The following RNF121 variants were observed in gnomAD, a reference collection of about 807,000 sequenced individuals.
The protein encoded by RNF121 is ring finger protein 121, also known as E3 ubiquitin ligase RNF121.
Under a neutral mutation model 46.5 loss-of-function variants are expected in RNF121, and 21 were observed. The ratio of observed to expected loss-of-function variants is 0.45; its 90% CI spans 0.32 to 0.65. The LOEUF (loss-of-function observed/expected upper bound fraction) is 0.65, where lower values mean the gene tolerates loss of function less well. RNF121 is among the 30% of genes least tolerant of loss of function. The pLI is 0.04. For synonymous variants in RNF121, 139 were observed against 144.7 expected (o/e 0.96, Z 0.28); for missense variants, 346 against 416.0 (o/e 0.83, Z 1.46).
chr11:71,938,130 A>G (rs766017709), intron 1 of RNF121, among the ~76,000 whole-genome samples: 1 of 152,100 alleles, frequency 6.6e-6, no homozygotes, highest in Non-Finnish European at 1.5e-5. Flanking sequence ...GTATTCTGTT[A>G]CTTAGAAGCC....
In RNF121 at chr11:71,967,340, G is replaced by GTTT. The variant is rs1337661759; in HGVS notation, c.243+6455_243+6457dup. ...ACTTTGGAAGGTAATAATTATGTGG[G>GTTT]TTTTTTTTGTTTTTTTTTTTTTTTT... On this transcript the variant is annotated intron_variant, in intron 3 of 8. Transcript: ENST00000361756. 3.9e-3 allele frequency among the ~76,000 whole-genome samples: 547 copies of GTTT among 138,618 alleles called. 2 individuals are homozygous for GTTT. Among genetic ancestry groups the GTTT allele is most frequent in the African/African-American group, 0.014 (520 of 37,760 alleles). The allele number at this position is 138,618 out of a possible 152,430, so 90.9% of individuals were successfully genotyped here. A position where few individuals can be genotyped will look rare whatever the true frequency, so the allele number is the denominator to read the frequency against.
rs190487705 is a variant in RNF121 at position 71,952,691 on chromosome 11, C to T, written c.64-4536C>T. ...AGGCGTGGTGGCGCATGCCTGTAAT[C>T]CTAGCTACTCAGGAGGCTGAGGCGA... On this transcript the variant is annotated intron_variant, in intron 1 of 8. Transcript: ENST00000361756. 1.9e-3 allele frequency among the ~76,000 whole-genome samples: 286 copies of T among 152,238 alleles called. 8 individuals carry two copies. Among genetic ancestry groups the T allele is most frequent in the Admixed American group, 0.016 (245 of 15,284 alleles).
At chr11:71,981,019 G>A (rs1376824556) in intron 3 of RNF121, among the ~76,000 whole-genome samples, 4 of 151,858 alleles carry the variant, frequency 2.6e-5, no homozygotes, top group Non-Finnish European at 5.9e-5. Context: ...CGTTTGGATA[G>A]CACTGGTCTA....
At chr11:71,944,319 C>T (rs1244185184) in intron 1 of RNF121, among the ~76,000 whole-genome samples, 1 of 151,874 alleles carries the variant, frequency 6.6e-6, no homozygotes, top group Non-Finnish European at 1.5e-5. Flanking sequence ...GGCAACAGAG[C>T]GAGACTCTGT....
chr11:71,962,886 T>TA (rs113060936), intron 3 of RNF121, among the ~76,000 whole-genome samples: 11 of 151,960 alleles, frequency 7.2e-5, no homozygotes, highest in East Asian at 1.9e-4. Flanking sequence ...CGTTTTTTTT[T>TA]AAATTTTATT....
At chr11:71,936,890 C>T (rs1953428752) in intron 1 of RNF121, among the ~76,000 whole-genome samples, 1 of 152,078 alleles carries the variant, frequency 6.6e-6, no homozygotes, top group African/African-American at 2.4e-5. Flanking sequence ...CAGTGCTTGG[C>T]ACATAGCCCA....
chr11:71,943,928 T>C (rs1247397998), intron 1 of RNF121, among the ~76,000 whole-genome samples: 1 of 152,172 alleles, frequency 6.6e-6, no homozygotes, highest in East Asian at 1.9e-4. Context: ...AATGATAAAA[T>C]AGGGAGACTG....
chr11:71,994,087 T>A (rs539794077), intron 6 of RNF121, among the ~76,000 whole-genome samples: 3 of 152,098 alleles, frequency 2.0e-5, no homozygotes, highest in African/African-American at 4.8e-5. Context: ...TGATCCGCCC[T>A]CCTTGGCCTC....
chr11:71,967,339 GGTTTTTTTTGTTTTT>G lies in RNF121; in HGVS notation c.243+6449_243+6463del, dbSNP rs1238013399. 4.4e-5 allele frequency among the ~76,000 whole-genome samples: 3 copies of G among 68,360 alleles called. No homozygotes were observed. In the East Asian group the frequency reaches 1.1e-3, roughly 25 times the overall value. 44.8% of individuals were successfully genotyped at this position (68,360 alleles called of 152,430 possible). On this transcript the variant is annotated intron_variant, in intron 3 of 8. Transcript: ENST00000361756. Reference sequence around the variant, plus strand: ...TACTTTGGAAGGTAATAATTATGTGGGTTTTTTTTGTTTTTTTTTTTTTTTTTTGAGACGGAGTCT... The same window carrying G: ...TACTTTGGAAGGTAATAATTATGTGGTTTTTTTTTTTTTGAGACGGAGTCT...
intron 3 of RNF121, chr11:71,962,096 T>A (rs1954149924): frequency 6.6e-6 from 1 of 152,016 alleles, no homozygotes; most frequent in African/African-American, 2.4e-5. Context: ...GCTTCCCGCA[T>A]AGCTGGGACT....
At chr11:71,940,790 A>G (rs1365835790) in intron 1 of RNF121, among the ~76,000 whole-genome samples, 1 of 152,232 alleles carries the variant, frequency 6.6e-6, no homozygotes, top group Non-Finnish European at 1.5e-5. Flanking sequence ...CTGTGATGAC[A>G]CAAAGGAGGG....
intron 1 of RNF121, among the ~76,000 whole-genome samples, chr11:71,934,719 A>G (rs761850345): frequency 6.6e-6 from 1 of 152,016 alleles, no homozygotes; most frequent in African/African-American, 2.4e-5. Context: ...TGGCAAGTGT[A>G]GTGGGGAAAA....
At chr11:71,990,905 A>T (rs1590815960) in intron 6 of RNF121, 188 bp downstream of exon 6, 1 of 705,662 alleles carries the variant, frequency 1.4e-6, no homozygotes, top group East Asian at 2.7e-5. Context: ...AAAAAAGATA[A>T]AACCATGTGC....
chr11:71,960,989 G>T, intron 3 of RNF121, 98 bp downstream of exon 3: 1 of 1,349,956 alleles, frequency 7.4e-7, no homozygotes, highest in South Asian at 1.3e-5. Flanking sequence ...CATGGAGGTG[G>T]AGAAAGACAA....
At chr11:71,950,638 C>T (rs908217577) in intron 1 of RNF121, among the ~76,000 whole-genome samples, 1 of 151,960 alleles carries the variant, frequency 6.6e-6, no homozygotes, top group Non-Finnish European at 1.5e-5. Flanking sequence ...TTATACCTCA[C>T]CACACTAAAG....
intron 3 of RNF121, 42 bp from the exon 4 acceptor site, chr11:71,982,719 A>AG: frequency 6.4e-7 from 1 of 1,564,266 alleles, no homozygotes; most frequent in Non-Finnish European, 8.6e-7. Flanking sequence ...AGAGCTGCAG[A>AG]GGGAGCTGGC....
At chr11:71,992,569 T>G (rs1554992630) in intron 6 of RNF121, among the ~76,000 whole-genome samples, 1 of 152,202 alleles carries the variant, frequency 6.6e-6, no homozygotes, top group Non-Finnish European at 1.5e-5. Flanking sequence ...AGTCACAGTT[T>G]CCAAGAAACT....
chr11:71,937,811 C>T (rs1953456181), intron 1 of RNF121, among the ~76,000 whole-genome samples: 1 of 152,210 alleles, frequency 6.6e-6, no homozygotes, highest in South Asian at 2.1e-4. Context: ...GGTCTGAAAT[C>T]TTACTCCATG....
intron 3 of RNF121, among the ~76,000 whole-genome samples, chr11:71,980,530 A>G (rs1954629140): frequency 6.6e-6 from 1 of 152,086 alleles, no homozygotes; most frequent in African/African-American, 2.4e-5. Context: ...TATTTTTAGT[A>G]GAGACGGGGT....
Sources: allele counts gnomAD v4.1 joint callset (sites outside exome capture counted in the v4.1 genomes callset), GRCh38; gene constraint gnomAD v4.1.1; transcripts MANE v1.5; gene names NCBI Gene and HGNC (gene_info 2026-07-23, HGNC 2026-07-21).